KCNQ5: variants seen among roughly 807,000 people sequenced by gnomAD.
The protein encoded by KCNQ5 is potassium voltage-gated channel subfamily Q member 5.
KCNQ5 carries 30 observed loss-of-function variants against 98.2 expected under a neutral mutation model. The ratio of observed to expected loss-of-function variants is 0.31; its 90% CI spans 0.23 to 0.41. The LOEUF is 0.41. KCNQ5 is among the 10% of genes least tolerant of loss of function. The probability of loss-of-function intolerance (pLI) is 1.00; values close to 1 mark genes in which losing one functional copy is unlikely to be tolerated. For missense variants in KCNQ5, 835 were observed against 1,182.5 expected (o/e 0.71, Z 4.31); for synonymous variants, 458 against 449.4 (o/e 1.02, Z -0.24).
At chr6:72,801,681 G>C (rs1450266804) in intron 1 of KCNQ5, among the ~76,000 whole-genome samples, 2 of 147,272 alleles carry the variant, frequency 1.4e-5, no homozygotes, top group South Asian at 2.2e-4. Context: ...GACGTTAGCT[G>C]GTTATTTTGC....
At chr6:73,073,657 T>C (rs1284050543) in intron 3 of KCNQ5, among the ~76,000 whole-genome samples, 1 of 152,214 alleles carries the variant, frequency 6.6e-6, no homozygotes, top group Non-Finnish European at 1.5e-5. Context: ...TCATTTTTAA[T>C]ACAAGTGTCT....
chr6:72,622,466 C>G lies in KCNQ5; in HGVS notation c.277C>G (p.Pro93Ala). The stretch of plus-strand genomic sequence containing the variant: ...GGCCCGGATGAGCCTGCTGGGGAAG[C>G]CGCTCTCTTACACGAGTAGCCAGAG... ...QGARMSLLGK[P>A]LSYTSSQSCR... Residue 93 changes from proline to alanine, a missense_variant, in exon 1 of 14, where the codon CCG (proline) becomes GCG (alanine). Coordinates refer to ENST00000370398, the MANE Select transcript of KCNQ5 (RefSeq NM_019842.4). The surrounding 1 kb of genome is among the most constrained non-coding windows in gnomAD (Gnocchi z 6.0). The G allele has an allele frequency of 6.3e-7, 1 of 1,599,160 alleles. No homozygotes were observed. The highest frequency in any genetic ancestry group is 8.5e-7 in the Non-Finnish European group (1 of 1,173,514).
At chr6:72,698,068 A>T (rs1480711349) in intron 1 of KCNQ5, among the ~76,000 whole-genome samples, 6 of 152,164 alleles carry the variant, frequency 3.9e-5, no homozygotes, top group Admixed American at 6.5e-5. Context: ...TAAACAAATA[A>T]ATAATAAAAG....
At chr6:73,088,037 T>C (rs924061241) in intron 5 of KCNQ5, among the ~76,000 whole-genome samples, 1 of 151,030 alleles carries the variant, frequency 6.6e-6, no homozygotes, top group Non-Finnish European at 1.5e-5. Flanking sequence ...TTTTTTTTTT[T>C]TCCAGATGGA....
intron 1 of KCNQ5, among the ~76,000 whole-genome samples, chr6:72,784,349 A>G (rs1773631632): frequency 6.6e-6 from 1 of 152,202 alleles, no homozygotes. Context: ...GAGAGAGAGC[A>G]GAGAGAACCA....
At chr6:73,111,798 T>G (rs1177735167) in intron 7 of KCNQ5, among the ~76,000 whole-genome samples, 1 of 152,220 alleles carries the variant, frequency 6.6e-6, no homozygotes, top group Non-Finnish European at 1.5e-5. Context: ...TCCAGCCAGA[T>G]GTATGTTGCT....
chr6:72,674,504 C>A (rs1767306980), intron 1 of KCNQ5, among the ~76,000 whole-genome samples: 1 of 152,092 alleles, frequency 6.6e-6, no homozygotes, highest in South Asian at 2.1e-4. Flanking sequence ...GGTATGGCGG[C>A]TCACACGTGT....
At position 73,194,874 on chromosome 6, in the gene KCNQ5, T is replaced by A. The variant is rs763399501; in HGVS notation, c.2259T>A (p.Pro753=). The A allele has an allele frequency of 6.2e-7, 1 of 1,613,738 alleles. No homozygotes were observed. Among genetic ancestry groups the A allele is most frequent in the East Asian group, 2.2e-5 (1 of 44,884 alleles). The change falls in exon 14 of 14, where the codon CCT becomes CCA. Residue 753 remains proline, a synonymous_variant. Coordinates refer to ENST00000370398, the MANE Select transcript of KCNQ5 (RefSeq NM_019842.4). ...AAPTTLQIPP[P]LPAIKHLPRP... is the part of the protein sequence containing the mutation. ...CAACAACTTTACAGATCCCACCTCC[T>A]CTCCCAGCCATCAAGCATCTGCCCA... is the stretch of plus-strand genomic sequence containing the variant.
At chr6:72,966,214 A>T (rs939176101) in intron 1 of KCNQ5, among the ~76,000 whole-genome samples, 11 of 152,232 alleles carry the variant, frequency 7.2e-5, no homozygotes, top group Non-Finnish European at 1.5e-5. Context: ...TAGCAGTCAA[A>T]TATTCCCAAT....
chr6:72,731,193 G>C (rs915943366), intron 1 of KCNQ5, among the ~76,000 whole-genome samples: 1 of 152,206 alleles, frequency 6.6e-6, no homozygotes, highest in African/African-American at 2.4e-5. Flanking sequence ...GAGAGGACAG[G>C]TGGGTAGAGA....
intron 1 of KCNQ5, among the ~76,000 whole-genome samples, chr6:72,650,567 G>GA (rs1765822913): frequency 6.6e-6 from 1 of 152,200 alleles, no homozygotes; most frequent in South Asian, 2.1e-4. Context: ...GCCCTCTGGG[G>GA]AAAAATCCAT....
chr6:73,024,219 T>C (rs1380214093), intron 2 of KCNQ5, among the ~76,000 whole-genome samples: 1 of 152,008 alleles, frequency 6.6e-6, no homozygotes, highest in Non-Finnish European at 1.5e-5. Flanking sequence ...GCAGCAAATA[T>C]CAATATAGGA....
chr6:72,732,237 T>C (rs2154475799), intron 1 of KCNQ5, among the ~76,000 whole-genome samples: 1 of 152,206 alleles, frequency 6.6e-6, no homozygotes, highest in Admixed American at 6.5e-5. Flanking sequence ...AGGAGTGATC[T>C]GACAGAGGTG....
At chr6:72,697,301 A>G (rs955893975) in intron 1 of KCNQ5, among the ~76,000 whole-genome samples, 2 of 152,156 alleles carry the variant, frequency 1.3e-5, no homozygotes, top group Non-Finnish European at 2.9e-5. Context: ...CTGGGTACCA[A>G]TTGAACTGTG....
At position 72,871,146 on chromosome 6, in the gene KCNQ5, G is replaced by T. The variant is rs143834415; in HGVS notation, c.399-132762G>T. ...CCCACTGCCTCAATATTATCACCACGAGCTTTTGAGAAAAGAACAAGCATC... is the reference window on the plus strand; with the variant it reads ...CCCACTGCCTCAATATTATCACCACTAGCTTTTGAGAAAAGAACAAGCATC... On this transcript the variant is annotated intron_variant, in intron 1 of 13. Coordinates refer to ENST00000370398, the MANE Select transcript of KCNQ5 (RefSeq NM_019842.4). 5.3e-3 allele frequency among the ~76,000 whole-genome samples: 799 copies of T among 152,164 alleles called. 21 individuals are homozygous for T. In the South Asian group the frequency reaches 0.072, roughly 14 times the overall value.
intron 1 of KCNQ5, among the ~76,000 whole-genome samples, chr6:72,889,713 C>A (rs191859239): frequency 1.3e-5 from 2 of 152,008 alleles, no homozygotes; most frequent in African/African-American, 2.4e-5. Context: ...TTAAATAAGT[C>A]CCCCCTGCAT....
At chr6:73,021,439 C>T (rs918595908) in intron 2 of KCNQ5, among the ~76,000 whole-genome samples, 2 of 152,086 alleles carry the variant, frequency 1.3e-5, no homozygotes, top group Non-Finnish European at 2.9e-5. Flanking sequence ...GTTTTATTGT[C>T]TTTATAGAAT....
intron 5 of KCNQ5, among the ~76,000 whole-genome samples, chr6:73,088,753 C>A (rs1194008611): frequency 1.3e-5 from 2 of 152,210 alleles, no homozygotes; most frequent in Admixed American, 6.5e-5. Context: ...CCAAAACCTT[C>A]TCTTTTTCAT....
At chr6:72,986,845 C>T in intron 1 of KCNQ5, 2 of 1,027,808 alleles carry the variant, frequency 1.9e-6, no homozygotes, top group Non-Finnish European at 3.1e-6. Context: ...ACCCCACAGC[C>T]CTCTCAGTCC....
Sources: allele counts gnomAD v4.1 joint callset (sites outside exome capture counted in the v4.1 genomes callset), GRCh38; gene constraint gnomAD v4.1.1; non-coding constraint Gnocchi (gnomAD v3.1); transcripts MANE v1.5; gene names NCBI Gene and HGNC (gene_info 2026-07-23, HGNC 2026-07-21).